Variants in FGD5 observed in about 807,000 individuals in gnomAD.
The protein encoded by FGD5 is FYVE, RhoGEF and PH domain containing 5.
In FGD5, 28 loss-of-function variants were observed where a neutral mutation model predicts 133.4. That is an observed-to-expected ratio of 0.21 (90% CI 0.16 to 0.29). The LOEUF is 0.29. Ranked by LOEUF, FGD5 falls within the 10% of genes least tolerant of loss-of-function variation. The pLI is 1.00. For synonymous variants in FGD5, 810 were observed against 776.5 expected, an observed-to-expected ratio of 1.04 and a Z score of -0.72; for missense variants, 1,858 against 1,895.2, an observed-to-expected ratio of 0.98 and a Z score of 0.36.
rs551494537 is a variant in FGD5 at position 14,859,701 on chromosome 3, C to G, written c.2526-4427C>G. Among the ~76,000 whole-genome samples, 4 of 152,328 alleles carry G rather than the reference C, an allele frequency of 2.6e-5. No homozygotes were observed. The South Asian group carries it at 8.3e-4, about 32-fold the overall frequency. On this transcript the variant is annotated intron_variant, in intron 1 of 19. Coordinates refer to ENST00000285046, the MANE Select transcript of FGD5 (RefSeq NM_152536.4). ...CCTGCTGTGCAGTAGTCTCAAAACC[C>G]ATTCCTCATGCCTGTTTGAAACTTT...
chr3:14,854,327 C>G (rs1347484879), intron 1 of FGD5, among the ~76,000 whole-genome samples: 1 of 152,084 alleles, frequency 6.6e-6, no homozygotes, highest in East Asian at 1.9e-4. Context: ...CCCAGAATTT[C>G]CTGGAAAGAT....
intron 9 of FGD5, 133 bp downstream of exon 9, chr3:14,901,194 G>A: frequency 3.1e-6 from 3 of 966,646 alleles, no homozygotes; most frequent in Non-Finnish European, 1.6e-6. Flanking sequence ...TCTGCAGAGA[G>A]CCGTGGGTTC....
At chr3:14,913,268 G>A (rs1347156891) in intron 11 of FGD5, among the ~76,000 whole-genome samples, 1 of 152,154 alleles carries the variant, frequency 6.6e-6, no homozygotes, top group African/African-American at 2.4e-5. Context: ...GGTAGAAGCC[G>A]CTTATCTGAT....
rs1236546910 is a variant in FGD5 at position 14,926,180 on chromosome 3, C to T, written c.4179C>T (p.Tyr1393=). Reference sequence around the variant, plus strand: ...TTGTCATCAAAGGCAAAGTTCTCTACACCTACATGGCCAGTGAGGTAGTAG... The same window carrying T: ...TTGTCATCAAAGGCAAAGTTCTCTATACCTACATGGCCAGTGAGGTAGTAG... ...LWFVIKGKVL[Y]TYMASEDKVA... Residue 1393 remains tyrosine, a synonymous_variant, in exon 18 of 20, where the codon TAC becomes TAT. Transcript: ENST00000285046. The T allele has an allele frequency of 6.2e-7, 1 of 1,613,674 alleles. No homozygotes were observed. The highest frequency in any genetic ancestry group is 1.1e-5 in the South Asian group (1 of 91,076).
intron 11 of FGD5, among the ~76,000 whole-genome samples, chr3:14,911,448 C>T (rs2038447134): frequency 6.6e-6 from 1 of 152,106 alleles, no homozygotes; most frequent in Non-Finnish European, 1.5e-5. Flanking sequence ...ATCCTGAGAC[C>T]TCCAAGTGGC....
chr3:14,821,189 T>G lies in FGD5; in HGVS notation c.2118T>G (p.Leu706=). The change falls in exon 1 of 20, where the codon CTT becomes CTG. Residue 706 remains leucine (L), a synonymous_variant. Coordinates refer to ENST00000285046, the MANE Select transcript of FGD5 (RefSeq NM_152536.4). ...GAAGCCTCAGCAACTCCCCTCAGCTTAAGTCTCGGACTGGGAAGCTCCGGG... is the reference window on the plus strand; with the variant it reads ...GAAGCCTCAGCAACTCCCCTCAGCTGAAGTCTCGGACTGGGAAGCTCCGGG... ...DRRSLSNSPQ[L]KSRTGKLRAS... The G allele has an allele frequency of 6.2e-7, 1 of 1,613,926 alleles. No individual in the cohort carries two copies. The highest frequency in any genetic ancestry group is 8.5e-7 in the Non-Finnish European group (1 of 1,179,880).
At position 14,821,225 on chromosome 3, in the gene FGD5, C is replaced by T. The variant is rs567058901; in HGVS notation, c.2154C>T (p.Ser718=). 21 of 1,613,768 alleles carry T rather than the reference C, an allele frequency of 1.3e-5. No homozygotes were observed. Among genetic ancestry groups the T allele is most frequent in the South Asian group, 4.4e-5 (4 of 91,088 alleles). Residue 718 remains serine, a synonymous_variant, in exon 1 of 20, where the codon TCC becomes TCT. Transcript: ENST00000285046. ...SRTGKLRASE[S]PSSLIFYRDG... ...CTGGGAAGCTCCGGGCTTCTGAATCCCCCTCCTCCCTCATCTTTTATAGAG... is the reference window on the plus strand; with the variant it reads ...CTGGGAAGCTCCGGGCTTCTGAATCTCCCTCCTCCCTCATCTTTTATAGAG...
At chr3:14,914,215 A>G (rs1442567273) in intron 11 of FGD5, among the ~76,000 whole-genome samples, 5 of 152,220 alleles carry the variant, frequency 3.3e-5, no homozygotes, top group Admixed American at 6.5e-5. Context: ...TTCTTCCTCA[A>G]AGGTGCCAGT....
upstream of FGD5, chr3:14,818,887 T>C: frequency 7.1e-7 from 1 of 1,408,206 alleles, no homozygotes. Flanking sequence ...GCAACTGGTG[T>C]GTAGGAGACT....
rs761572550 is a variant in FGD5, at chr3:14,917,347, C to T, written c.3489+15C>T. 2.9e-5 allele frequency: 47 copies of T among 1,607,570 alleles called. No homozygotes were observed. The highest frequency in any genetic ancestry group is 3.8e-5 in the Non-Finnish European group (45 of 1,176,940). The stretch of plus-strand genomic sequence containing the variant: ...CCAACATGAAGGTAAATATCTGGTG[C>T]CAGGTACCCCCGGGTTGGGGGACAG... On this transcript the variant is annotated intron_variant, in intron 12 of 19. Transcript: ENST00000285046. The surrounding 1 kb of genome is among the most constrained non-coding windows in gnomAD (Gnocchi z 4.1).
chr3:14,885,020 T>C (rs2037898266), intron 4 of FGD5, among the ~76,000 whole-genome samples: 1 of 151,516 alleles, frequency 6.6e-6, no homozygotes, highest in Non-Finnish European at 1.5e-5. Flanking sequence ...CCCTCCTCAC[T>C]ATCTCTTTTG....
At position 14,923,069 on chromosome 3, in the gene FGD5, G is replaced by A; in HGVS notation, c.3831G>A (p.Arg1277=). ...AGATCGTGTGCCGGAACTGTTCGCG[G>A]AACAAGTACCCGCTGAAGTACCTGA... ...CGKIVCRNCS[R]NKYPLKYLKD... Residue 1277 remains arginine, a synonymous_variant, in exon 16 of 20, where the codon CGG becomes CGA. Coordinates refer to ENST00000285046, the MANE Select transcript of FGD5 (RefSeq NM_152536.4). 1.9e-6 allele frequency: 3 copies of A among 1,613,916 alleles called. No individual in the cohort carries two copies. The highest frequency in any genetic ancestry group is 2.5e-6 in the Non-Finnish European group (3 of 1,179,876).
chr3:14,872,098 A>G (rs189215507), intron 2 of FGD5, among the ~76,000 whole-genome samples: 12 of 152,288 alleles, frequency 7.9e-5, no homozygotes, highest in African/African-American at 2.2e-4. Context: ...CACCCAGTCT[A>G]TGTGGAGCAC....
intron 1 of FGD5, among the ~76,000 whole-genome samples, chr3:14,825,178 C>T (rs2036576911): frequency 6.6e-6 from 1 of 152,148 alleles, no homozygotes. Flanking sequence ...GTAGTTACTT[C>T]CTTTGAGATT....
chr3:14,875,192 C>T (rs867929000), intron 2 of FGD5, among the ~76,000 whole-genome samples: 1 of 152,328 alleles, frequency 6.6e-6, no homozygotes, highest in Middle Eastern at 3.4e-3. Flanking sequence ...CCAGATGTGA[C>T]TTCAGAATTC....
At chr3:14,897,800 A>T in intron 5 of FGD5, 131 bp downstream of exon 5, 2 of 1,454,186 alleles carry the variant, frequency 1.4e-6, no homozygotes, top group Non-Finnish European at 1.8e-6. Context: ...GTGTTAAGTC[A>T]TTTGCTCAAA....
chr3:14,876,377 C>T (rs942793313), intron 2 of FGD5, among the ~76,000 whole-genome samples: 1 of 152,106 alleles, frequency 6.6e-6, no homozygotes, highest in Non-Finnish European at 1.5e-5. Flanking sequence ...GATCGAGGGC[C>T]CCAAAGAATT....
intron 2 of FGD5, among the ~76,000 whole-genome samples, chr3:14,865,890 C>T (rs1036532930): frequency 3.3e-5 from 5 of 152,160 alleles, no homozygotes; most frequent in Admixed American, 6.5e-5. Flanking sequence ...GGAGGAGAGC[C>T]TTGAGTTAGT....
rs199552519 is a variant in FGD5, at chr3:14,867,626, G to A, written c.2658+3366G>A. Among the ~76,000 whole-genome samples, 60 of 151,796 alleles carry A rather than the reference G, an allele frequency of 4.0e-4. 1 individual carries two copies. The East Asian group carries it at 9.7e-3, about 25-fold the overall frequency. On this transcript the variant is annotated intron_variant, in intron 2 of 19. Coordinates refer to ENST00000285046, the MANE Select transcript of FGD5 (RefSeq NM_152536.4). Reference sequence around the variant, plus strand: ...TTGGTGCCCAGAGCTCCCCAACCACGGAACCACTGTGGAGATGGGAAGGGA... The same window carrying A: ...TTGGTGCCCAGAGCTCCCCAACCACAGAACCACTGTGGAGATGGGAAGGGA...
Sources: allele counts gnomAD v4.1 joint callset (sites outside exome capture counted in the v4.1 genomes callset), GRCh38; gene constraint gnomAD v4.1.1; non-coding constraint Gnocchi (gnomAD v3.1); transcripts MANE v1.5; gene names NCBI Gene and HGNC (gene_info 2026-07-23, HGNC 2026-07-21).